The following WDR25 variants were observed in gnomAD, a reference collection of about 807,000 sequenced individuals.
WDR25 encodes the protein WD repeat domain 25.
In WDR25, 35 loss-of-function variants were observed where a neutral mutation model predicts 47.7. The ratio of observed to expected loss-of-function variants is 0.73; its 90% CI spans 0.56 to 0.97. WDR25 has a LOEUF of 0.97. Ranked by LOEUF, WDR25 falls within the 50% of genes least tolerant of loss-of-function variation. WDR25 has a pLI of 0.00. For synonymous variants in WDR25, 248 were observed against 278.9 expected (o/e 0.89, Z 1.10); for missense variants, 634 against 704.7 (o/e 0.90, Z 1.14).
chr14:100,479,305 A>C (rs772784774), intron 3 of WDR25, among the ~76,000 whole-genome samples: 1 of 152,118 alleles, frequency 6.6e-6, no homozygotes, highest in African/African-American at 2.4e-5. Context: ...CTAGTTGGTC[A>C]TATCACGGTT....
intron 2 of WDR25, among the ~76,000 whole-genome samples, chr14:100,436,793 G>A (rs1394260454): frequency 6.6e-6 from 1 of 152,220 alleles, no homozygotes; most frequent in African/African-American, 2.4e-5. Flanking sequence ...GCAGAAGAGA[G>A]CGTCTCTTCG....
intron 2 of WDR25, among the ~76,000 whole-genome samples, chr14:100,391,293 G>A (rs184885625): frequency 3.0e-4 from 45 of 152,042 alleles, no homozygotes; most frequent in Admixed American, 7.8e-4. Flanking sequence ...TTCAATTCTC[G>A]TCAGTGGGTC....
chr14:100,508,012 C>T (rs1901174910), intron 4 of WDR25, among the ~76,000 whole-genome samples: 1 of 152,032 alleles, frequency 6.6e-6, no homozygotes, highest in Non-Finnish European at 1.5e-5. Flanking sequence ...AACATAGATG[C>T]AGAAATCCTC....
At position 100,498,034 on chromosome 14, in the gene WDR25, C is replaced by T. The variant is rs369217881; in HGVS notation, c.1101+13910C>T. Among the ~76,000 whole-genome samples the T allele has an allele frequency of 6.6e-5, 10 of 152,340 alleles. No homozygotes were observed. The highest frequency in any genetic ancestry group is 3.4e-3 in the Middle Eastern group (1 of 294). On this transcript the variant is annotated intron_variant, in intron 4 of 6. Transcript: ENST00000402312. This position sits in a 1 kb window ranked among gnomAD's most constrained non-coding sequence, Gnocchi z 4.2. ...GATTGTGCCAACCTCCATGGACCTG[C>T]AGTATAACTCTGCAAAGATTGTATG...
rs759109462 is a variant in WDR25, at chr14:100,530,071, A to T, written c.*30A>T. ...TTTGTCACTGAACCTTCCCGATGCC[A>T]GCTGGGCTCTTGGACTCCCCTCTTC... On this transcript the variant is annotated 3_prime_UTR_variant, in exon 7 of 7. Transcript: ENST00000402312. 1.3e-6 allele frequency: 2 copies of T among 1,588,084 alleles called. No homozygotes were observed. The highest frequency in any genetic ancestry group is 3.4e-5 in the Admixed American group (2 of 59,024).
chr14:100,478,961 T>C (rs561547963), intron 3 of WDR25, among the ~76,000 whole-genome samples: 18 of 152,186 alleles, frequency 1.2e-4, no homozygotes, highest in Non-Finnish European at 1.8e-4. Flanking sequence ...TCCTTTTGGA[T>C]TTAAGGATTG....
chr14:100,421,685 A>G (rs1305966948), intron 2 of WDR25, among the ~76,000 whole-genome samples: 1 of 152,148 alleles, frequency 6.6e-6, no homozygotes, highest in Admixed American at 6.5e-5. Context: ...TTCCCTTTCC[A>G]TTAGTGGCCA....
chr14:100,392,460 C>T lies in WDR25; in HGVS notation c.822+10714C>T, dbSNP rs1897166676. On this transcript the variant is annotated intron_variant, in intron 2 of 6. Transcript: ENST00000402312. The surrounding 1 kb of genome is among the most constrained non-coding windows in gnomAD (Gnocchi z 4.2). ...CTCTTGCCCCTTCTCCTCTGCCCTT[C>T]CTTTGGCCCTTTGTGGAGATGACTC... Among the ~76,000 whole-genome samples the T allele has an allele frequency of 1.3e-5, 2 of 151,918 alleles. No individual in the cohort carries two copies. Among genetic ancestry groups the T allele is most frequent in the Admixed American group, 6.6e-5 (1 of 15,246 alleles).
In WDR25 at chr14:100,488,166, A is replaced by G. The variant is rs1041977142; in HGVS notation, c.1101+4042A>G. 3.9e-5 allele frequency among the ~76,000 whole-genome samples: 6 copies of G among 152,088 alleles called. No individual in the cohort carries two copies. The highest frequency in any genetic ancestry group is 1.4e-4 in the African/African-American group (6 of 41,410). On this transcript the variant is annotated intron_variant, in intron 4 of 6. Transcript: ENST00000402312. This position sits in a 1 kb window ranked among gnomAD's most constrained non-coding sequence, Gnocchi z 4.2. ...CCGCCTCGGGTTTGATGTTTGTAGC[A>G]CATCTCATTAGTGCAAAGTGCCTGA...
chr14:100,503,933 T>G (rs1163453319), intron 4 of WDR25: 2 of 152,348 alleles, frequency 1.3e-5, no homozygotes, highest in East Asian at 3.9e-4. Context: ...TTAAAGAAAC[T>G]TTTTATTATT....
rs115431990 is a variant in WDR25, at chr14:100,510,341, T to C, written c.1102-15529T>C. Among the ~76,000 whole-genome samples, 1,459 of 152,048 alleles carry C rather than the reference T, an allele frequency of 9.6e-3. 19 individuals carry two copies. The highest frequency in any genetic ancestry group is 0.033 in the African/African-American group (1,370 of 41,448). ...ATCCAGGCAGTGGCACGATCATGGC[T>C]CCTGCAGCCTGGAACTTCTGGGCTC... is the stretch of plus-strand genomic sequence containing the variant. On this transcript the variant is annotated intron_variant, in intron 4 of 6. Transcript: ENST00000402312.
At chr14:100,391,621 G>T (rs1897147826) in intron 2 of WDR25, among the ~76,000 whole-genome samples, 1 of 150,094 alleles carries the variant, frequency 6.7e-6, no homozygotes, top group South Asian at 2.1e-4. Flanking sequence ...GGCAATGACT[G>T]CAGACTTTTT....
At chr14:100,398,134 G>A (rs1051396817) in intron 2 of WDR25, among the ~76,000 whole-genome samples, 1 of 152,202 alleles carries the variant, frequency 6.6e-6, no homozygotes, top group Admixed American at 6.5e-5. Flanking sequence ...CACCACACCC[G>A]GCCTGGAGAA....
At position 100,529,365 on chromosome 14, in the gene WDR25, T is replaced by C; in HGVS notation, c.1413+157T>C. On this transcript the variant is annotated intron_variant, in intron 6 of 6. Transcript: ENST00000402312. The surrounding 1 kb of genome is among the most constrained non-coding windows in gnomAD (Gnocchi z 5.1). ...GCATGCCATGTGGCTCACTGTCTCTTCAAGTCCCTGAACCACATCTGGTCC... is the reference window on the plus strand; with the variant it reads ...GCATGCCATGTGGCTCACTGTCTCTCCAAGTCCCTGAACCACATCTGGTCC... 2.6e-6 allele frequency: 3 copies of C among 1,164,994 alleles called. No homozygotes were observed. Among genetic ancestry groups the C allele is most frequent in the Non-Finnish European group, 3.6e-6 (3 of 833,180 alleles). 72.2% of individuals were successfully genotyped at this position (1,164,994 alleles called of 1,614,324 possible). A position where few individuals can be genotyped will look rare whatever the true frequency, so the allele number is the denominator to read the frequency against.
At chr14:100,408,950 T>C (rs1181184126) in intron 2 of WDR25, among the ~76,000 whole-genome samples, 1 of 152,240 alleles carries the variant, frequency 6.6e-6, no homozygotes, top group Non-Finnish European at 1.5e-5. Flanking sequence ...ATTAGGAATG[T>C]TTTGCCTGTG....
intron 2 of WDR25, among the ~76,000 whole-genome samples, chr14:100,461,841 C>T (rs1003191379): frequency 1.3e-5 from 2 of 152,002 alleles, no homozygotes; most frequent in African/African-American, 4.8e-5. Flanking sequence ...CGAAGGCTTA[C>T]CCAGAAGTTT....
At chr14:100,437,507 G>C (rs1043845892) in intron 2 of WDR25, among the ~76,000 whole-genome samples, 12 of 152,270 alleles carry the variant, frequency 7.9e-5, no homozygotes, top group Non-Finnish European at 1.5e-4. Flanking sequence ...GGGCAAGGTG[G>C]GTTGCTTAAC....
At chr14:100,389,916 C>T (rs1049191531) in intron 2 of WDR25, among the ~76,000 whole-genome samples, 4 of 152,178 alleles carry the variant, frequency 2.6e-5, no homozygotes, top group Non-Finnish European at 4.4e-5. Flanking sequence ...TGCTGAAGGT[C>T]GTTGACTTTG....
rs1046182586 is a variant in WDR25 at position 100,529,442 on chromosome 14, C to T, written c.1413+234C>T. 1.4e-5 allele frequency: 9 copies of T among 647,300 alleles called. No individual in the cohort carries two copies. In the Admixed American group the frequency reaches 2.7e-4, roughly 19 times the overall value. 40.1% of individuals were successfully genotyped at this position (647,300 alleles called of 1,614,324 possible). ...GGAAGCAGTAGTTGGCTCACACAGA[C>T]AGGTCTCAGAAGTGGGGGGCAGGAA... On this transcript the variant is annotated intron_variant, in intron 6 of 6. Coordinates refer to ENST00000402312, the MANE Select transcript of WDR25 (RefSeq NM_001161476.3). The surrounding 1 kb of genome is among the most constrained non-coding windows in gnomAD (Gnocchi z 5.1).
Sources: allele counts gnomAD v4.1 joint callset (sites outside exome capture counted in the v4.1 genomes callset), GRCh38; gene constraint gnomAD v4.1.1; non-coding constraint Gnocchi (gnomAD v3.1); transcripts MANE v1.5; gene names NCBI Gene and HGNC (gene_info 2026-07-23, HGNC 2026-07-21).